The following PCDH7 variants were observed in gnomAD, a reference collection of about 807,000 sequenced individuals.
The protein encoded by PCDH7 is protocadherin-7.
Under a neutral mutation model 58.9 loss-of-function variants are expected in PCDH7, and 17 were observed. The ratio of observed to expected loss-of-function variants is 0.29; its 90% CI spans 0.20 to 0.43. PCDH7 has a LOEUF of 0.43. Among genes scored for constraint, PCDH7 ranks in the 20% least tolerant of loss-of-function variants. The probability of loss-of-function intolerance (pLI) is 1.00; values close to 1 mark genes in which losing one functional copy is unlikely to be tolerated. For synonymous variants in PCDH7, 664 were observed against 616.4 expected (o/e 1.08, Z -1.14); for missense variants, 1,274 against 1,441.0 (o/e 0.88, Z 1.88).
intron 1 of PCDH7, among the ~76,000 whole-genome samples, chr4:30,852,829 GAAAA>G (rs58210433): frequency 0.051 from 3,788 of 74,552 alleles, 141 homozygotes; most frequent in African/African-American, 0.14. Context: ...TCAAGCACAG[GAAAA>G]AAAAAAAAAA....
chr4:30,925,633 T>A (rs1743767999), intron 2 of PCDH7: 1 of 152,246 alleles, frequency 6.6e-6, no homozygotes, highest in Non-Finnish European at 1.5e-5. Context: ...AGGCTGCAAT[T>A]GTTTTCACCT....
At chr4:31,024,420 TA>T (rs1166322445) in intron 3 of PCDH7, among the ~76,000 whole-genome samples, 2 of 152,186 alleles carry the variant, frequency 1.3e-5, no homozygotes, top group Non-Finnish European at 1.5e-5. Context: ...AGGCTCTCCT[TA>T]AAAATGGTAG....
rs1235503317 is a variant in PCDH7, at chr4:30,723,810, C to T, written c.2388C>T (p.Pro796=). Reference sequence around the variant, plus strand: ...CCTTCAAGCTGTTTGAAATTGATCCCACTAGTGGTGTGGTTTCCTTAGTGG... The same window carrying T: ...CCTTCAAGCTGTTTGAAATTGATCCTACTAGTGGTGTGGTTTCCTTAGTGG... The change falls in exon 1 of 2, where the codon CCC becomes CCT. Residue 796 remains proline, a synonymous_variant. Coordinates refer to ENST00000361762, the Ensembl canonical transcript of PCDH7. The surrounding 1 kb of genome is among the most constrained non-coding windows in gnomAD (Gnocchi z 4.6). 5 of 1,613,980 alleles carry T rather than the reference C, an allele frequency of 3.1e-6. No individual in the cohort carries two copies. Among genetic ancestry groups the T allele is most frequent in the East Asian group, 2.2e-5 (1 of 44,886 alleles).
intron 1 of PCDH7, among the ~76,000 whole-genome samples, chr4:30,756,864 C>G (rs1447473266): frequency 6.6e-6 from 1 of 152,176 alleles, no homozygotes; most frequent in Non-Finnish European, 1.5e-5. Flanking sequence ...GCTCACTACT[C>G]TCTGGCCTAC....
intron 1 of PCDH7, among the ~76,000 whole-genome samples, chr4:30,871,395 C>T (rs961527304): frequency 6.6e-6 from 1 of 152,000 alleles, no homozygotes; most frequent in Non-Finnish European, 1.5e-5. Context: ...AGATCCTGTG[C>T]ATCCAGCCTG....
chr4:30,979,669 T>C lies in PCDH7; in HGVS notation c.*7+29454T>C, dbSNP rs562655752. 6.2e-4 allele frequency among the ~76,000 whole-genome samples: 95 copies of C among 152,038 alleles called. 2 individuals are homozygous for C. The South Asian group carries it at 0.015, about 24-fold the overall frequency. The stretch of plus-strand genomic sequence containing the variant: ...GAATGCCAGTCTTTATTTTATTCTG[T>C]CTAATAGTGTTACTTATCGTTTCAC... On this transcript the variant is annotated intron_variant, in intron 3 of 3. Coordinates refer to the PCDH7 transcript ENST00000509759.
chr4:31,031,514 G>A (rs1292469753), intron 3 of PCDH7, among the ~76,000 whole-genome samples: 3 of 152,210 alleles, frequency 2.0e-5, no homozygotes, highest in African/African-American at 7.2e-5. Flanking sequence ...CATAAGATAA[G>A]TGAAGGCTGG....
rs148457980 is a variant in PCDH7 at position 30,758,469 on chromosome 4, T to C, written c.70+33873T>C. ...AAACATTTATCTTACAGTTCCAGTA[T>C]GAGCAGTTACTGCCCGTAAGTTTGT... On this transcript the variant is annotated intron_variant, in intron 1 of 3. Coordinates refer to the PCDH7 transcript ENST00000509759. 3.2e-3 allele frequency among the ~76,000 whole-genome samples: 485 copies of C among 152,358 alleles called. 1 individual carries two copies. The highest frequency in any genetic ancestry group is 4.2e-3 in the Non-Finnish European group (285 of 68,040).
At chr4:30,837,218 T>C (rs1407292177) in intron 1 of PCDH7, among the ~76,000 whole-genome samples, 2 of 152,094 alleles carry the variant, frequency 1.3e-5, no homozygotes, top group East Asian at 3.9e-4. Context: ...TTATTAAAAT[T>C]ACTCCGGGCT....
chr4:30,828,233 T>G (rs1308549335), intron 1 of PCDH7, among the ~76,000 whole-genome samples: 2 of 144,950 alleles, frequency 1.4e-5, no homozygotes, highest in Non-Finnish European at 3.0e-5. Flanking sequence ...CAACAAAAAT[T>G]ACCCTTAGTA....
At chr4:31,094,633 C>T (rs939947703) in intron 3 of PCDH7, among the ~76,000 whole-genome samples, 1 of 151,424 alleles carries the variant, frequency 6.6e-6, no homozygotes, top group Non-Finnish European at 1.5e-5. Context: ...AGTTTCATAG[C>T]ATCTGTTAGA....
rs979468254 is a variant in PCDH7 at position 30,922,794 on chromosome 4, T to A, written c.287+2425T>A. On this transcript the variant is annotated intron_variant, in intron 2 of 3. Coordinates refer to the PCDH7 transcript ENST00000509759. The stretch of plus-strand genomic sequence containing the variant: ...TACTGGCTGTGATTCATGTTAGCCT[T>A]GATCTATAGGTAATGACAAAATGAG... Among the ~76,000 whole-genome samples the A allele has an allele frequency of 3.3e-5, 5 of 152,070 alleles. No individual in the cohort carries two copies. In the East Asian group the frequency reaches 9.6e-4, roughly 29 times the overall value.
rs1726329121 is a variant in PCDH7, at chr4:30,807,166, GA to G, written c.70+82572del. Among the ~76,000 whole-genome samples the G allele has an allele frequency of 2.0e-5, 3 of 152,294 alleles. No homozygotes were observed. The South Asian group carries it at 6.2e-4, about 32-fold the overall frequency. ...TTTCATATATTTAAGAGCTCTGAAAGAATTACCAAAATAACCTGAACATTGT... is the reference window on the plus strand; with the variant it reads ...TTTCATATATTTAAGAGCTCTGAAAGATTACCAAAATAACCTGAACATTGT... On this transcript the variant is annotated intron_variant, in intron 1 of 3. Transcript: ENST00000509759.
At position 30,738,821 on chromosome 4, in the gene PCDH7, T is replaced by A. The variant is rs184213154; in HGVS notation, c.70+14225T>A. Among the ~76,000 whole-genome samples, 6 of 152,186 alleles carry A rather than the reference T, an allele frequency of 3.9e-5. No homozygotes were observed. In the East Asian group the frequency reaches 1.2e-3, roughly 29 times the overall value. On this transcript the variant is annotated intron_variant, in intron 1 of 3. Transcript: ENST00000509759. ...AAATGTAGTCTTAATATTCTTCTTATGAAAGCACAGTCTCAGTGGATTTTC... is the reference window on the plus strand; with the variant it reads ...AAATGTAGTCTTAATATTCTTCTTAAGAAAGCACAGTCTCAGTGGATTTTC...
intron 1 of PCDH7, among the ~76,000 whole-genome samples, chr4:30,853,758 T>C (rs1005867147): frequency 3.3e-5 from 5 of 152,076 alleles, no homozygotes; most frequent in Admixed American, 1.3e-4. Flanking sequence ...ATCCCTTTTT[T>C]TTCTGCTTAA....
chr4:31,088,376 G>A (rs751888714), intron 3 of PCDH7, among the ~76,000 whole-genome samples: 28 of 152,010 alleles, frequency 1.8e-4, no homozygotes, highest in Admixed American at 3.9e-4. Context: ...TACGTGAAGA[G>A]CAGCATAGTT....
chr4:31,078,556 C>T (rs1433996959), intron 3 of PCDH7, among the ~76,000 whole-genome samples: 1 of 148,224 alleles, frequency 6.7e-6, no homozygotes, highest in Non-Finnish European at 1.5e-5. Flanking sequence ...CTCTGAGCCT[C>T]AAGCTATCAA....
At chr4:30,774,683 C>G (rs765170938) in intron 1 of PCDH7, among the ~76,000 whole-genome samples, 2 of 152,132 alleles carry the variant, frequency 1.3e-5, no homozygotes, top group Non-Finnish European at 2.9e-5. Context: ...TACTCTGCAT[C>G]AGGGACTGTT....
intron 3 of PCDH7, among the ~76,000 whole-genome samples, chr4:30,973,645 A>G (rs778129983): frequency 6.6e-6 from 1 of 152,158 alleles, no homozygotes; most frequent in Non-Finnish European, 1.5e-5. Context: ...AATACAGAAT[A>G]AAACTCCATT....
Sources: gnomAD v4.1 joint callset for allele counts (sites outside exome capture counted in the v4.1 genomes callset) on GRCh38, gnomAD v4.1.1 for gene constraint, Gnocchi (gnomAD v3.1) non-coding constraint, MANE v1.5 for transcripts, NCBI Gene and HGNC (gene_info 2026-07-23, HGNC 2026-07-21) for gene names.